Variants in TMEM165 observed in about 807,000 individuals in gnomAD.
TMEM165 encodes the protein putative divalent cation/proton antiporter TMEM165.
Under a neutral mutation model 30.0 loss-of-function variants are expected in TMEM165, and 19 were observed. That is an observed-to-expected ratio of 0.63 (90% CI 0.44 to 0.93). TMEM165 has a LOEUF of 0.93. TMEM165 is among the 40% of genes least tolerant of loss of function. TMEM165 has a pLI of 0.00. For missense variants in TMEM165, 340 were observed against 417.0 expected (o/e 0.82, Z 1.61); for synonymous variants, 168 against 162.9 (o/e 1.03, Z -0.24).
intron 3 of TMEM165, among the ~76,000 whole-genome samples, chr4:55,439,860 TTGTATAA>T: frequency 6.6e-6 from 1 of 152,216 alleles, no homozygotes; most frequent in African/African-American, 2.4e-5. Flanking sequence ...GAATGGGGAC[TTGTATAA>T]TGGGTATGGA....
chr4:55,403,763 T>C (rs1459312344), intron 1 of TMEM165, among the ~76,000 whole-genome samples: 1 of 152,190 alleles, frequency 6.6e-6, no homozygotes, highest in African/African-American at 2.4e-5. Context: ...CATCTAATCC[T>C]GTATGCATCC....
intron 3 of TMEM165, among the ~76,000 whole-genome samples, chr4:55,445,097 G>A (rs1414776021): frequency 1.5e-5 from 2 of 132,018 alleles, no homozygotes; most frequent in Non-Finnish European, 3.4e-5. Context: ...GGGTGCCAAC[G>A]GGAAGCTTTT....
In TMEM165 at chr4:55,396,379, G is replaced by T; in HGVS notation, c.190G>T (p.Glu64Ter). Residue 64 changes from glutamate (E) to a stop codon, truncating the protein, a stop_gained, in exon 1 of 6, where the codon GAG becomes TAG. Coordinates refer to ENST00000381334, the MANE Select transcript of TMEM165 (RefSeq NM_018475.5). LOFTEE classifies it high-confidence loss of function. ...QPQPVAVQGP[E>*]PARVEKIFTP... is the part of the protein sequence containing the mutation. ...GCAGCCTGTGGCTGTGCAGGGCCCC[G>T]AGCCGGCCCGGGTCGAGGTGAGCGG... 1 of 1,494,918 alleles carries T rather than the reference G, an allele frequency of 6.7e-7. No individual in the cohort carries two copies. 92.6% of individuals were successfully genotyped at this position (1,494,918 alleles called of 1,614,324 possible). A position where few individuals can be genotyped will look rare whatever the true frequency, so the allele number is the denominator to read the frequency against.
chr4:55,427,055 A>AGG (rs1190806862), downstream of TMEM165, among the ~76,000 whole-genome samples: 1 of 111,402 alleles, frequency 9.0e-6, no homozygotes. Flanking sequence ...TTTTTTTTTG[A>AGG]GAGAGTCTCA....
chr4:55,440,545 A>G (rs545901719), intron 3 of TMEM165, among the ~76,000 whole-genome samples: 2 of 152,360 alleles, frequency 1.3e-5, no homozygotes, highest in East Asian at 3.9e-4. Context: ...TCTTGACAAT[A>G]AAATACTCTA....
intron 3 of TMEM165, chr4:55,449,620 A>G: frequency 5.0e-6 from 4 of 801,444 alleles, no homozygotes; most frequent in Admixed American, 2.0e-5. Context: ...CCATTCAATG[A>G]AAGTGAAGTC....
In TMEM165 at chr4:55,449,478, G is replaced by A. The variant is rs578243815; in HGVS notation, c.409-2761G>A. 638 of 1,613,888 alleles carry A rather than the reference G, an allele frequency of 4.0e-4. 7 individuals are homozygous for A. In the South Asian group the frequency reaches 5.6e-3, roughly 14 times the overall value. Reference sequence around the variant, plus strand: ...CCTGGGTGGAGTGCTCGTATCCGTCGGGATCTTGGTTGGTGTTGCTGAAGT... The same window carrying A: ...CCTGGGTGGAGTGCTCGTATCCGTCAGGATCTTGGTTGGTGTTGCTGAAGT... On this transcript the variant is annotated intron_variant, in intron 3 of 3. Coordinates refer to the TMEM165 transcript ENST00000608091.
exon 4 of TMEM165, chr4:55,453,098 C>T (rs1383820073): frequency 1.2e-5 from 19 of 1,612,684 alleles, no homozygotes; most frequent in Non-Finnish European, 1.6e-5. Flanking sequence ...ATGCCAAGTT[C>T]TCGTCGTCTT....
intron 1 of TMEM165, among the ~76,000 whole-genome samples, chr4:55,403,502 T>TTC (rs1237924456): frequency 6.7e-6 from 1 of 148,388 alleles, no homozygotes; most frequent in Non-Finnish European, 1.5e-5. Flanking sequence ...CTTTTTCTTT[T>TTC]TTTTTTTTTT....
At chr4:55,406,307 A>G (rs1721265122) in intron 1 of TMEM165, among the ~76,000 whole-genome samples, 2 of 152,378 alleles carry the variant, frequency 1.3e-5, no homozygotes, top group South Asian at 4.1e-4. Context: ...TAATGGTGTG[A>G]AAGTTAAAAA....
chr4:55,452,460 C>T (rs773931242), exon 4 of TMEM165: 18 of 152,588 alleles, frequency 1.2e-4, no homozygotes, highest in South Asian at 2.1e-4. Context: ...TTGATTACAG[C>T]CTCATGAAAG....
At chr4:55,443,091 G>C (rs1380812754) in intron 3 of TMEM165, among the ~76,000 whole-genome samples, 2 of 152,096 alleles carry the variant, frequency 1.3e-5, no homozygotes, top group African/African-American at 2.4e-5. Context: ...TCAGCCTCTT[G>C]AGCAAGTCAT....
chr4:55,408,420 AATGGT>A (rs1325927784), intron 1 of TMEM165, among the ~76,000 whole-genome samples: 1 of 152,228 alleles, frequency 6.6e-6, no homozygotes, highest in South Asian at 2.1e-4. Flanking sequence ...ACCTAGGCTA[AATGGT>A]ATAGCCTATG....
At chr4:55,424,715 T>C in intron 5 of TMEM165, 72 bp downstream of exon 5, 1 of 1,025,582 alleles carries the variant, frequency 9.8e-7, no homozygotes, top group South Asian at 1.4e-5. Context: ...TAGCTTTGAT[T>C]ATTTAAATTT....
At position 55,452,951 on chromosome 4, in the gene TMEM165, G is replaced by A. The variant is rs986938412; in HGVS notation, c.*645G>A. On this transcript the variant is annotated 3_prime_UTR_variant, in exon 4 of 4. Transcript: ENST00000608091. ...TAATCACATCCCCGTTATAAGTGAG[G>A]AAATAAAGTATTTTTGAAAAATAGT... is the stretch of plus-strand genomic sequence containing the variant. 90 of 810,802 alleles carry A rather than the reference G, an allele frequency of 1.1e-4. No homozygotes were observed. In the Middle Eastern group the frequency reaches 2.4e-3, roughly 22 times the overall value. 50.2% of individuals were successfully genotyped at this position (810,802 alleles called of 1,614,324 possible).
chr4:55,443,634 T>G lies in TMEM165; in HGVS notation c.409-8605T>G, dbSNP rs558239887. On this transcript the variant is annotated intron_variant, in intron 3 of 3. Transcript: ENST00000608091. ...AGCTTTATTTCTGCTTCAGCAATAG[T>G]GTGCCTTCCAACCACTGATCACTCC... The G allele has an allele frequency of 2.0e-5, 27 of 1,336,922 alleles. No individual in the cohort carries two copies. In the African/African-American group the frequency reaches 2.3e-4, roughly 11 times the overall value. 82.8% of individuals were successfully genotyped at this position (1,336,922 alleles called of 1,614,324 possible).
chr4:55,444,643 T>G (rs139335390), intron 3 of TMEM165: 8 of 1,613,970 alleles, frequency 5.0e-6, no homozygotes, highest in African/African-American at 1.3e-5. Context: ...CTGCAGCCCC[T>G]GACCATGGAC....
At chr4:55,426,667 G>C (rs1722215075), downstream of TMEM165, among the ~76,000 whole-genome samples, 1 of 152,306 alleles carries the variant, frequency 6.6e-6, no homozygotes, top group East Asian at 1.9e-4. Flanking sequence ...TATAATAGGA[G>C]ACCCAGAGCA....
At chr4:55,418,155 C>T (rs1237987767) in intron 4 of TMEM165, 170 bp downstream of exon 4, 2 of 519,022 alleles carry the variant, frequency 3.9e-6, no homozygotes, top group African/African-American at 2.0e-5. Flanking sequence ...CCAGTTCCTG[C>T]TACCTGCAGG....
Sources: gnomAD v4.1 joint callset for allele counts (sites outside exome capture counted in the v4.1 genomes callset) on GRCh38, gnomAD v4.1.1 for gene constraint, MANE v1.5 for transcripts, NCBI Gene and HGNC (gene_info 2026-07-23, HGNC 2026-07-21) for gene names.